Variants in NCOR2 observed in about 807,000 individuals in gnomAD.
NCOR2 encodes nuclear receptor corepressor 2.
Under a neutral mutation model 262.9 loss-of-function variants are expected in NCOR2, and 81 were observed. The observed-to-expected ratio is 0.31, with a 90% CI of 0.26 to 0.37. The LOEUF (loss-of-function observed/expected upper bound fraction) is 0.37. NCOR2 is among the 10% of genes least tolerant of loss of function. NCOR2 has a pLI of 1.00. For synonymous variants in NCOR2, 1,659 were observed against 1,559.3 expected (o/e 1.06, Z -1.51); for missense variants, 3,385 against 3,621.4 (o/e 0.93, Z 1.68).
chr12:124,489,412 G>A (rs1015012283), intron 1 of NCOR2, among the ~76,000 whole-genome samples: 8 of 152,196 alleles, frequency 5.3e-5, no homozygotes, highest in Non-Finnish European at 8.8e-5. Flanking sequence ...GGCACAGAGA[G>A]GGTAAGTGGC....
intron 19 of NCOR2, among the ~76,000 whole-genome samples, chr12:124,373,319 CAT>C: frequency 4.7e-5 from 1 of 21,162 alleles, no homozygotes; most frequent in African/African-American, 1.1e-4. Flanking sequence ...AGTGGACAAT[CAT>C]GAGGCCAGTG....
intron 3 of NCOR2, among the ~76,000 whole-genome samples, chr12:124,474,295 T>C (rs986860093): frequency 5.3e-5 from 8 of 152,252 alleles, no homozygotes; most frequent in Admixed American, 5.2e-4. Context: ...GGGCTACAGT[T>C]AAGCTAAAAG....
At chr12:124,431,121 A>G (rs1460431963) in intron 8 of NCOR2, among the ~76,000 whole-genome samples, 2 of 146,768 alleles carry the variant, frequency 1.4e-5, no homozygotes, top group African/African-American at 5.5e-5. Context: ...ATACACAGGC[A>G]CACACAAGTC....
At chr12:124,354,439 G>C (rs2037781229) in intron 26 of NCOR2, 39 bp downstream of exon 28, 2 of 1,450,934 alleles carry the variant, frequency 1.4e-6, no homozygotes, top group Middle Eastern at 1.8e-4. Flanking sequence ...CCGAGGAACA[G>C]GGGCAGATGC....
At chr12:124,357,986 G>C (rs1285100160) in intron 22 of NCOR2, among the ~76,000 whole-genome samples, 1 of 149,378 alleles carries the variant, frequency 6.7e-6, no homozygotes, top group Non-Finnish European at 1.5e-5. Context: ...GTTGAAGGAG[G>C]TAACCTGTGG....
intron 7 of NCOR2, among the ~76,000 whole-genome samples, chr12:124,438,408 C>T (rs569993222): frequency 1.1e-3 from 164 of 152,212 alleles, no homozygotes; most frequent in African/African-American, 3.8e-3. Context: ...GGCCGGGTGT[C>T]AGAGTGTGGC....
intron 40 of NCOR2, 33 bp from the exon 43 acceptor site, chr12:124,334,650 A>ACCGGGCCCAGGGTTTCGGAGCCCGAG: frequency 8.2e-7 from 1 of 1,214,456 alleles, no homozygotes; most frequent in East Asian, 3.0e-5. Flanking sequence ...AGAGTCAGGC[A>ACCGGGCCCAGGGTTTCGGAGCCCGAG]GCACTCTCCT....
At position 124,511,818 on chromosome 12, in the gene NCOR2, G is replaced by GT. The variant is rs1290928791; in HGVS notation, c.-117-16451dup. Among the ~76,000 whole-genome samples, 5 of 152,218 alleles carry GT rather than the reference G, an allele frequency of 3.3e-5. No individual in the cohort carries two copies. In the South Asian group the frequency reaches 1.0e-3, roughly 31 times the overall value. The stretch of plus-strand genomic sequence containing the variant: ...ACAGTACCAACCCCCGCCAGGGCCA[G>GT]TTCCCCCACCTCCAGAGACTGGCGT... On this transcript the variant is annotated intron_variant, in intron 1 of 46. Coordinates refer to the NCOR2 transcript ENST00000404621.
At chr12:124,336,322 C>T (rs1314799010) in intron 38 of NCOR2, 3 of 177,832 alleles carry the variant, frequency 1.7e-5, no homozygotes, top group Non-Finnish European at 1.2e-5. Flanking sequence ...ATCCCTGCTC[C>T]CTGGACACAG....
chr12:124,377,121 C>T (rs375431736), intron 18 of NCOR2, among the ~76,000 whole-genome samples: 2 of 152,354 alleles, frequency 1.3e-5, no homozygotes, highest in South Asian at 4.1e-4. Flanking sequence ...GGTCTATACA[C>T]ACTGATAACA....
intron 13 of NCOR2, among the ~76,000 whole-genome samples, chr12:124,415,708 A>AT (rs1390193282): frequency 1.3e-5 from 2 of 152,206 alleles, no homozygotes; most frequent in Admixed American, 1.3e-4. Flanking sequence ...TCAGCAGGGG[A>AT]TAAAAACTCA....
intron 16 of NCOR2, chr12:124,388,826 G>T (rs949699717): frequency 2.3e-6 from 3 of 1,293,068 alleles, no homozygotes; most frequent in South Asian, 2.5e-5. Flanking sequence ...GCGTCTGCTG[G>T]CGGCTCAGCT....
intron 20 of NCOR2, among the ~76,000 whole-genome samples, chr12:124,366,393 T>G (rs1279589204): frequency 6.6e-6 from 1 of 152,056 alleles, no homozygotes; most frequent in African/African-American, 2.4e-5. Flanking sequence ...GGCCAATCCA[T>G]CGGGGACAGA....
At chr12:124,393,364 C>T (rs1198129469) in intron 16 of NCOR2, among the ~76,000 whole-genome samples, 1 of 152,236 alleles carries the variant, frequency 6.6e-6, no homozygotes, top group Admixed American at 6.5e-5. Context: ...CAGGCAGCCA[C>T]AGCCGCATGC....
chr12:124,473,838 A>G (rs995129187), intron 3 of NCOR2, among the ~76,000 whole-genome samples: 1 of 151,840 alleles, frequency 6.6e-6, no homozygotes, highest in African/African-American at 2.4e-5. Flanking sequence ...CCTCCCCAAT[A>G]CACCCCGGGT....
chr12:124,398,946 C>T (rs1049070406), intron 15 of NCOR2, among the ~76,000 whole-genome samples: 1 of 152,208 alleles, frequency 6.6e-6, no homozygotes. Flanking sequence ...ATTTTTGGGT[C>T]TGTCTGCCGA....
upstream of NCOR2, among the ~76,000 whole-genome samples, chr12:124,499,570 G>C (rs1296975889): frequency 1.3e-5 from 2 of 152,234 alleles, no homozygotes; most frequent in Admixed American, 6.5e-5. Flanking sequence ...GCCAGCTGGT[G>C]GGGGGTGAGC....
At chr12:124,357,285 A>G (rs1018306281) in intron 22 of NCOR2, among the ~76,000 whole-genome samples, 1 of 152,056 alleles carries the variant, frequency 6.6e-6, no homozygotes, top group South Asian at 2.1e-4. Flanking sequence ...GTAGCTGGGA[A>G]TACAGGCGCC....
At chr12:124,402,199 A>AGG in intron 14 of NCOR2, among the ~76,000 whole-genome samples, 1 of 152,002 alleles carries the variant, frequency 6.6e-6, no homozygotes, top group African/African-American at 2.4e-5. Flanking sequence ...GGCGGAGGAG[A>AGG]GGGGGGAGCC....
Sources: gnomAD v4.1 joint callset for allele counts (sites outside exome capture counted in the v4.1 genomes callset) on GRCh38, gnomAD v4.1.1 for gene constraint, MANE v1.5 for transcripts, NCBI Gene and HGNC (gene_info 2026-07-23, HGNC 2026-07-21) for gene names.